The following TMEM156 variants were observed in gnomAD, a reference collection of about 807,000 sequenced individuals.
The protein encoded by TMEM156 is transmembrane protein 156.
A neutral mutation model predicts 30.5 loss-of-function variants in TMEM156; 28 were observed. The ratio of observed to expected loss-of-function variants is 0.92; its 90% CI spans 0.68 to 1.26. The LOEUF (loss-of-function observed/expected upper bound fraction) is 1.26. TMEM156 is among the 50% of genes most tolerant of loss of function. TMEM156 has a pLI of 0.00. For missense variants in TMEM156, 351 were observed against 340.6 expected (o/e 1.03, Z -0.24); for synonymous variants, 137 against 119.9 (o/e 1.14, Z -0.93).
Position 38,993,903 on chromosome 4 carries a change from A to G in TMEM156, c.454T>C (p.Leu152=), listed in dbSNP as rs1370083829. ...TGACAGGTAGTGTTATATTCCTCCA[A>G]GTGGTCAACCAGAGGAGCTACACTG... ...NFSVAPLVDH[L]EEYNTTCHLK... Residue 152 remains leucine, a synonymous_variant, in exon 3 of 7, where the codon TTG becomes CTG. Transcript: ENST00000381938. 3 of 1,614,116 alleles carry G rather than the reference A, an allele frequency of 1.9e-6. No homozygotes were observed. In the East Asian group the frequency reaches 6.7e-5, roughly 36 times the overall value.
At chr4:39,023,373 A>G (rs1204624487) in intron 1 of TMEM156, among the ~76,000 whole-genome samples, 2 of 152,222 alleles carry the variant, frequency 1.3e-5, no homozygotes, top group Non-Finnish European at 2.9e-5. Context: ...ACTGACACAA[A>G]CATTTGTACA....
chr4:38,977,903 G>A (rs1372861889), intron 5 of TMEM156, among the ~76,000 whole-genome samples: 2 of 152,182 alleles, frequency 1.3e-5, no homozygotes, highest in Non-Finnish European at 2.9e-5. Flanking sequence ...TGCCCAGGCA[G>A]CCCTCGGATG....
chr4:38,971,741 ATC>A (rs1722603383), intron 5 of TMEM156, among the ~76,000 whole-genome samples: 1 of 152,040 alleles, frequency 6.6e-6, no homozygotes, highest in South Asian at 2.1e-4. Context: ...TTTCATAGAC[ATC>A]TCTACTTTTG....
chr4:38,992,836 A>G (rs1461479123), intron 3 of TMEM156, among the ~76,000 whole-genome samples: 1 of 148,172 alleles, frequency 6.7e-6, no homozygotes, highest in Non-Finnish European at 1.5e-5. Flanking sequence ...ATCTCGGCTC[A>G]CTGTAACCTC....
At chr4:38,979,540 G>T (rs1165886524) in intron 5 of TMEM156, among the ~76,000 whole-genome samples, 1 of 152,164 alleles carries the variant, frequency 6.6e-6, no homozygotes, top group Non-Finnish European at 1.5e-5. Flanking sequence ...CCCTCCCAGG[G>T]GGCATGCACA....
intron 5 of TMEM156, 69 bp from the exon 6 acceptor site, chr4:38,971,206 T>C: frequency 5.5e-6 from 8 of 1,449,380 alleles, no homozygotes; most frequent in Admixed American, 1.7e-5. Context: ...CTTATTCTAA[T>C]GTAGTAAGAG....
intron 3 of TMEM156, among the ~76,000 whole-genome samples, chr4:38,989,862 C>G (rs538709702): frequency 6.6e-6 from 1 of 152,128 alleles, no homozygotes; most frequent in Admixed American, 6.6e-5. Context: ...TGCAATGGCG[C>G]GATCTCAGCT....
At chr4:38,977,157 G>A (rs914083314) in intron 5 of TMEM156, among the ~76,000 whole-genome samples, 5 of 152,052 alleles carry the variant, frequency 3.3e-5, no homozygotes, top group African/African-American at 4.8e-5. Context: ...CGCCCACCTC[G>A]GCCTTCCAAA....
intron 3 of TMEM156, among the ~76,000 whole-genome samples, chr4:38,991,206 C>CTT (rs34417437): frequency 0.075 from 10,635 of 142,658 alleles, 489 homozygotes; most frequent in Middle Eastern, 0.15. Context: ...TTTTAACTGT[C>CTT]TTTTTCTTTT....
At chr4:38,978,068 G>A (rs1214444974) in intron 5 of TMEM156, among the ~76,000 whole-genome samples, 1 of 152,016 alleles carries the variant, frequency 6.6e-6, no homozygotes, top group Non-Finnish European at 1.5e-5. Context: ...TCGTTACTTT[G>A]GTCCTGATGA....
intron 2 of TMEM156, among the ~76,000 whole-genome samples, chr4:38,997,690 T>G (rs1713029262): frequency 6.6e-6 from 1 of 152,252 alleles, no homozygotes; most frequent in African/African-American, 2.4e-5. Context: ...TTTATTTGAT[T>G]TAATTAAATA....
chr4:38,972,712 A>T (rs183701295), intron 5 of TMEM156, among the ~76,000 whole-genome samples: 6 of 152,248 alleles, frequency 3.9e-5, no homozygotes, highest in South Asian at 4.1e-4. Context: ...CACGTGTGTA[A>T]GCGCCAGCCG....
At chr4:39,019,260 C>T (rs1714707628) in intron 1 of TMEM156, among the ~76,000 whole-genome samples, 1 of 152,170 alleles carries the variant, frequency 6.6e-6, no homozygotes, top group African/African-American at 2.4e-5. Context: ...TGTCTCTTAA[C>T]TTCTGTGCTA....
chr4:38,973,248 G>C (rs1453629221), intron 5 of TMEM156, among the ~76,000 whole-genome samples: 2 of 151,966 alleles, frequency 1.3e-5, no homozygotes, highest in African/African-American at 4.8e-5. Context: ...ACTTTTCATA[G>C]GGATATTGAA....
rs191906178 is a variant in TMEM156, at chr4:39,000,101, C to T, written c.89-1192G>A. Among the ~76,000 whole-genome samples, 20 of 152,136 alleles carry T rather than the reference C, an allele frequency of 1.3e-4. No individual in the cohort carries two copies. The East Asian group carries it at 3.1e-3, about 24-fold the overall frequency. Reference sequence around the variant, plus strand: ...TAATACTGAGTTCAGAAACAAAAGACAAACACTCTAGGCTGGGTGTGGTGG... The same window carrying T: ...TAATACTGAGTTCAGAAACAAAAGATAAACACTCTAGGCTGGGTGTGGTGG... On this transcript the variant is annotated intron_variant, in intron 1 of 6. Transcript: ENST00000381938.
chr4:38,975,015 C>A (rs1722780217), intron 5 of TMEM156, among the ~76,000 whole-genome samples: 2 of 151,970 alleles, frequency 1.3e-5, no homozygotes, highest in African/African-American at 2.4e-5. Flanking sequence ...GTTTAAGGGG[C>A]AGGAATAAAT....
intron 5 of TMEM156, among the ~76,000 whole-genome samples, chr4:38,980,221 T>C (rs1243770880): frequency 2.0e-5 from 3 of 151,536 alleles, no homozygotes; most frequent in Non-Finnish European, 4.4e-5. Flanking sequence ...AACTGACAGC[T>C]GCCAATATTC....
intron 1 of TMEM156, among the ~76,000 whole-genome samples, chr4:39,006,829 G>C (rs1204925645): frequency 6.6e-6 from 1 of 152,114 alleles, no homozygotes; most frequent in Non-Finnish European, 1.5e-5. Context: ...TGTGGTCCCA[G>C]CTACTACAGA....
chr4:39,027,758 C>CTA (rs374635045), intron 1 of TMEM156, among the ~76,000 whole-genome samples: 9 of 120,796 alleles, frequency 7.5e-5, no homozygotes, highest in African/African-American at 2.0e-4. Flanking sequence ...TTTTCTTTTT[C>CTA]TTTTTTTTTT....
Sources: gnomAD v4.1 joint callset for allele counts (sites outside exome capture counted in the v4.1 genomes callset) on GRCh38, gnomAD v4.1.1 for gene constraint, MANE v1.5 for transcripts, NCBI Gene and HGNC (gene_info 2026-07-23, HGNC 2026-07-21) for gene names.